Variants in DENND2C observed in about 807,000 individuals in gnomAD.
DENND2C encodes DENN domain-containing protein 2C.
In DENND2C, 72 loss-of-function variants were observed where a neutral mutation model predicts 112.4. That is an observed-to-expected ratio of 0.64 (90% CI 0.53 to 0.78). DENND2C has a LOEUF of 0.78. DENND2C is among the 30% of genes least tolerant of loss of function. The pLI is 0.00. For missense variants in DENND2C, 992 were observed against 1,113.8 expected (o/e 0.89, Z 1.56); for synonymous variants, 329 against 381.6 (o/e 0.86, Z 1.61).
intron 3 of DENND2C, among the ~76,000 whole-genome samples, chr1:114,635,686 A>C (rs1450790168): frequency 5.3e-5 from 8 of 152,196 alleles, no homozygotes; most frequent in Non-Finnish European, 1.2e-4. Flanking sequence ...ATAACTCATG[A>C]ACATAAATGC....
chr1:114,669,411 T>A (rs1400043109), intron 1 of DENND2C, among the ~76,000 whole-genome samples: 1 of 152,170 alleles, frequency 6.6e-6, no homozygotes, highest in African/African-American at 2.4e-5. Flanking sequence ...AATCTAATCA[T>A]CAGCTGCTAT....
chr1:114,638,608 A>T (rs927671475), intron 3 of DENND2C, among the ~76,000 whole-genome samples: 5 of 151,808 alleles, frequency 3.3e-5, no homozygotes, highest in Non-Finnish European at 5.9e-5. Context: ...AAAATTTTTT[A>T]AAAAATTAGG....
intron 1 of DENND2C, among the ~76,000 whole-genome samples, chr1:114,659,239 G>A (rs755003724): frequency 1.1e-4 from 17 of 152,256 alleles, no homozygotes; most frequent in South Asian, 2.1e-4. Context: ...GGTGACTCAC[G>A]CCTATAACCC....
At chr1:114,662,679 G>A (rs1022541667) in intron 1 of DENND2C, among the ~76,000 whole-genome samples, 1 of 152,062 alleles carries the variant, frequency 6.6e-6, no homozygotes, top group African/African-American at 2.4e-5. Context: ...CTCAAAAATA[G>A]GGGCCAGGCA....
rs148953322 is a variant in DENND2C, at chr1:114,608,029, C to A, written c.1557+657G>T. The stretch of plus-strand genomic sequence containing the variant: ...TGGTGGCTCACGCCTGTAATCCCAG[C>A]ACTTTGGGAGGCTGATGTGGGCAGA... On this transcript the variant is annotated intron_variant, in intron 10 of 20. Transcript: ENST00000393274. Among the ~76,000 whole-genome samples, 301 of 152,288 alleles carry A rather than the reference C, an allele frequency of 2.0e-3. 1 individual carries two copies. Among genetic ancestry groups the A allele is most frequent in the Non-Finnish European group, 3.4e-4 (23 of 68,026 alleles).
intron 1 of DENND2C, among the ~76,000 whole-genome samples, chr1:114,663,752 T>G (rs1411879450): frequency 6.6e-6 from 1 of 152,204 alleles, no homozygotes; most frequent in South Asian, 2.1e-4. Context: ...AAATTCAAAT[T>G]TCAGTGTCCA....
At position 114,584,836 on chromosome 1, in the gene DENND2C, C is replaced by A. The variant is rs1654998557; in HGVS notation, c.*764G>T. On this transcript the variant is annotated 3_prime_UTR_variant, in exon 21 of 21. Coordinates refer to ENST00000393274, the MANE Select transcript of DENND2C (RefSeq NM_001256404.2). ...GCCCAGGCTAGTCTCAAACTCCCAC[C>A]CTCAAACTCCTGCCTTAGCCTCCCA... 1 of 152,024 alleles carries A rather than the reference C, an allele frequency of 6.6e-6. No homozygotes were observed. Among genetic ancestry groups the A allele is most frequent in the African/African-American group, 2.4e-5 (1 of 41,386 alleles). 9.4% of individuals were successfully genotyped at this position (152,024 alleles called of 1,614,324 possible). A position where few individuals can be genotyped will look rare whatever the true frequency, so the allele number is the denominator to read the frequency against.
intron 12 of DENND2C, 69 bp from the exon 13 acceptor site, chr1:114,601,654 TATTA>T (rs1203117428): frequency 2.2e-6 from 3 of 1,380,528 alleles, no homozygotes; most frequent in Middle Eastern, 1.8e-4. Flanking sequence ...TAATTTGGAC[TATTA>T]ATTATCTTTT....
chr1:114,668,680 T>G (rs1341182209), intron 1 of DENND2C, among the ~76,000 whole-genome samples: 1 of 152,104 alleles, frequency 6.6e-6, no homozygotes, highest in African/African-American at 2.4e-5. Flanking sequence ...ATTTTCTTTT[T>G]TATTTCCCAT....
At chr1:114,587,212 A>T in intron 20 of DENND2C, 175 bp downstream of exon 20, 1 of 678,854 alleles carries the variant, frequency 1.5e-6, no homozygotes, top group Non-Finnish European at 2.6e-6. Flanking sequence ...ATGCCCAGCT[A>T]ATTTTAAAAT....
intron 3 of DENND2C, among the ~76,000 whole-genome samples, chr1:114,638,078 A>G (rs1264662420): frequency 1.3e-5 from 2 of 152,228 alleles, no homozygotes; most frequent in Non-Finnish European, 2.9e-5. Context: ...AACAATGTAT[A>G]TTAGTTGACA....
At chr1:114,653,373 T>C (rs1174566507) in intron 2 of DENND2C, among the ~76,000 whole-genome samples, 1 of 152,154 alleles carries the variant, frequency 6.6e-6, no homozygotes, top group Non-Finnish European at 1.5e-5. Flanking sequence ...CCTCCCCAAG[T>C]GCTGGGATTA....
At chr1:114,647,756 A>T (rs1295174666) in intron 2 of DENND2C, among the ~76,000 whole-genome samples, 3 of 151,758 alleles carry the variant, frequency 2.0e-5, no homozygotes, top group African/African-American at 7.3e-5. Context: ...ATTACTTATT[A>T]AGTGTTTACA....
At chr1:114,666,897 G>A (rs990299226) in intron 1 of DENND2C, among the ~76,000 whole-genome samples, 11 of 152,152 alleles carry the variant, frequency 7.2e-5, no homozygotes, top group Non-Finnish European at 1.3e-4. Flanking sequence ...TGTTCCAAAT[G>A]AAGGGAAGTG....
intron 4 of DENND2C, among the ~76,000 whole-genome samples, 195 bp from the exon 5 acceptor site, chr1:114,623,838 C>A (rs369892086): frequency 6.6e-6 from 1 of 152,006 alleles, no homozygotes; most frequent in Non-Finnish European, 1.5e-5. Context: ...CAGGTTCAAG[C>A]GATTCTACAT....
intron 8 of DENND2C, among the ~76,000 whole-genome samples, chr1:114,611,713 T>C (rs969364384): frequency 6.6e-6 from 1 of 151,954 alleles, no homozygotes; most frequent in Non-Finnish European, 1.5e-5. Context: ...TTTAAGTATT[T>C]TGGGGACAAG....
intron 20 of DENND2C, 185 bp downstream of exon 20, chr1:114,587,202 A>G: frequency 1.5e-6 from 1 of 649,854 alleles, no homozygotes; most frequent in Non-Finnish European, 2.7e-6. Flanking sequence ...ATGCCCAACC[A>G]TGCCCAGCTA....
At chr1:114,639,519 T>C (rs1012800433) in intron 3 of DENND2C, among the ~76,000 whole-genome samples, 3 of 150,806 alleles carry the variant, frequency 2.0e-5, no homozygotes, top group East Asian at 2.0e-4. Context: ...GAGGTGGAGG[T>C]TGCAGTGAGC....
intron 16 of DENND2C, 114 bp from the exon 17 acceptor site, chr1:114,595,987 G>T: frequency 3.4e-6 from 3 of 893,336 alleles, no homozygotes; most frequent in Non-Finnish European, 5.5e-6. Flanking sequence ...TTAAAAGTTA[G>T]CCAATCAACA....
Sources: gnomAD v4.1 joint callset for allele counts (sites outside exome capture counted in the v4.1 genomes callset) on GRCh38, gnomAD v4.1.1 for gene constraint, MANE v1.5 for transcripts, NCBI Gene and HGNC (gene_info 2026-07-23, HGNC 2026-07-21) for gene names.